The following RBMS3 variants were observed in gnomAD, a reference collection of about 807,000 sequenced individuals.
RBMS3 encodes RNA-binding motif, single-stranded-interacting protein 3.
In RBMS3, 27 loss-of-function variants were observed where a neutral mutation model predicts 66.8. That is an observed-to-expected ratio of 0.40 (90% confidence interval 0.30 to 0.56). The LOEUF is 0.56. RBMS3 is among the 20% of genes least tolerant of loss of function. RBMS3 has a pLI of 0.40. For missense variants in RBMS3, 513 were observed against 549.5 expected (o/e 0.93, Z 0.66); for synonymous variants, 188 against 183.0 (o/e 1.03, Z -0.22).
intron 4 of RBMS3, among the ~76,000 whole-genome samples, chr3:29,596,603 A>T (rs1383365090): frequency 6.6e-6 from 1 of 152,324 alleles, no homozygotes; most frequent in East Asian, 1.9e-4. Flanking sequence ...ATTCACTAAG[A>T]TAGTCAAGTG....
At chr3:29,590,275 A>G (rs1328888115) in intron 4 of RBMS3, among the ~76,000 whole-genome samples, 1 of 152,068 alleles carries the variant, frequency 6.6e-6, no homozygotes, top group Non-Finnish European at 1.5e-5. Flanking sequence ...TTCTCTAATA[A>G]TAACTCTTAG....
At chr3:29,418,894 C>A (rs1050706141) in intron 1 of RBMS3, among the ~76,000 whole-genome samples, 1 of 152,066 alleles carries the variant, frequency 6.6e-6, no homozygotes, top group Non-Finnish European at 1.5e-5. Context: ...TACTGCAAAC[C>A]ACAAGGAAAA....
At chr3:29,730,733 T>C (rs1237033495) in intron 4 of RBMS3, 3 of 375,290 alleles carry the variant, frequency 8.0e-6, no homozygotes, top group Non-Finnish European at 1.1e-5. Flanking sequence ...GTTTACAATA[T>C]TGAGTAGTTC....
chr3:29,829,700 C>G (rs1213463938), intron 6 of RBMS3, among the ~76,000 whole-genome samples: 1 of 152,128 alleles, frequency 6.6e-6, no homozygotes, highest in African/African-American at 2.4e-5. Context: ...AACCTTGAGT[C>G]TGACAAAGAT....
chr3:29,653,419 C>T (rs72846050), intron 4 of RBMS3, among the ~76,000 whole-genome samples: 2,042 of 152,190 alleles, frequency 0.013, 48 homozygotes, highest in African/African-American at 0.047. Context: ...AGATGCATAA[C>T]GCTGTTTAAA....
intron 7 of RBMS3, among the ~76,000 whole-genome samples, chr3:29,877,128 G>C (rs920671659): frequency 6.6e-6 from 1 of 152,190 alleles, no homozygotes; most frequent in Non-Finnish European, 1.5e-5. Flanking sequence ...AGTTAAACTT[G>C]ATGATATGTG....
chr3:29,527,509 C>T (rs2045176190), intron 3 of RBMS3, among the ~76,000 whole-genome samples: 1 of 152,134 alleles, frequency 6.6e-6, no homozygotes, highest in South Asian at 2.1e-4. Context: ...ATGTATGAGG[C>T]ATATCTTAAT....
chr3:29,641,335 T>C (rs1470615169), intron 4 of RBMS3, among the ~76,000 whole-genome samples: 1 of 152,066 alleles, frequency 6.6e-6, no homozygotes, highest in African/African-American at 2.4e-5. Flanking sequence ...CTGAGCATAA[T>C]GGTTGTTTCC....
chr3:29,305,786 T>A (rs750291741), intron 1 of RBMS3, among the ~76,000 whole-genome samples: 8 of 152,056 alleles, frequency 5.3e-5, no homozygotes, highest in Admixed American at 2.6e-4. Flanking sequence ...ATTGAACTGA[T>A]GATACTTATG....
At chr3:29,745,707 G>C (rs1371171683) in intron 5 of RBMS3, among the ~76,000 whole-genome samples, 1 of 152,148 alleles carries the variant, frequency 6.6e-6, no homozygotes, top group Non-Finnish European at 1.5e-5. Flanking sequence ...AAGAGCGTGA[G>C]AGACCACTGA....
intron 6 of RBMS3, among the ~76,000 whole-genome samples, chr3:29,853,924 A>G (rs190063292): frequency 1.1e-4 from 16 of 152,298 alleles, no homozygotes; most frequent in African/African-American, 2.9e-4. Flanking sequence ...AGCCCAGGGC[A>G]GAAGCATTCT....
intron 6 of RBMS3, among the ~76,000 whole-genome samples, chr3:29,868,424 G>T (rs550809265): frequency 6.6e-6 from 1 of 152,132 alleles, no homozygotes; most frequent in Non-Finnish European, 1.5e-5. Flanking sequence ...TTAGCAAAAT[G>T]TCTCTCTTTT....
At chr3:29,333,752 CAAGT>C (rs1451228118) in intron 1 of RBMS3, among the ~76,000 whole-genome samples, 1 of 152,128 alleles carries the variant, frequency 6.6e-6, no homozygotes, top group Non-Finnish European at 1.5e-5. Flanking sequence ...GCATCTTTAA[CAAGT>C]AAGAACAGGG....
At position 29,492,107 on chromosome 3, in the gene RBMS3, C is replaced by T. The variant is rs73828676; in HGVS notation, c.307+3608C>T. Among the ~76,000 whole-genome samples the T allele has an allele frequency of 4.8e-3, 738 of 152,308 alleles. 11 individuals carry two copies. The highest frequency in any genetic ancestry group is 0.017 in the African/African-American group (696 of 41,580). On this transcript the variant is annotated intron_variant, in intron 3 of 14. Transcript: ENST00000383767. ...CTTATAAAAGCCTCCCATTGCCTTGCTTATCCTCAGCATGTAGAGTCTCTG... is the reference window on the plus strand; with the variant it reads ...CTTATAAAAGCCTCCCATTGCCTTGTTTATCCTCAGCATGTAGAGTCTCTG...
At chr3:29,938,751 C>G (rs1234850639) in intron 11 of RBMS3, among the ~76,000 whole-genome samples, 1 of 151,940 alleles carries the variant, frequency 6.6e-6, no homozygotes, top group African/African-American at 2.4e-5. Flanking sequence ...GGAATCCTGG[C>G]ATCATGGAAA....
chr3:29,925,651 A>G (rs1037606733), intron 10 of RBMS3, among the ~76,000 whole-genome samples: 2 of 152,164 alleles, frequency 1.3e-5, no homozygotes, highest in Non-Finnish European at 2.9e-5. Flanking sequence ...GAAGCAATGT[A>G]ATAGAAAATT....
At chr3:29,637,057 A>T (rs2049503703) in intron 4 of RBMS3, among the ~76,000 whole-genome samples, 1 of 151,934 alleles carries the variant, frequency 6.6e-6, no homozygotes, top group Non-Finnish European at 1.5e-5. Context: ...TTTCTCACAT[A>T]GGAGCATCCT....
chr3:29,412,729 G>GA (rs2040315805), intron 1 of RBMS3, among the ~76,000 whole-genome samples: 1 of 152,124 alleles, frequency 6.6e-6, no homozygotes, highest in Non-Finnish European at 1.5e-5. Flanking sequence ...TCCAGGGGTA[G>GA]AAATATCTAC....
intron 1 of RBMS3, among the ~76,000 whole-genome samples, chr3:29,386,058 ATATAAACTCGCTTGTCCC>A (rs2038995380): frequency 6.6e-6 from 1 of 152,200 alleles, no homozygotes; most frequent in South Asian, 2.1e-4. Flanking sequence ...ACCGTTGCTT[ATATAAACTCGCTTGTCCC>A]TCTCTCTTCT....
Sources: allele counts gnomAD v4.1 joint callset (sites outside exome capture counted in the v4.1 genomes callset), GRCh38; gene constraint gnomAD v4.1.1; transcripts MANE v1.5; gene names NCBI Gene and HGNC (gene_info 2026-07-23, HGNC 2026-07-21).